PTK2: variants seen among roughly 807,000 people sequenced by gnomAD.
PTK2 encodes the protein protein tyrosine kinase 2, also known as focal adhesion kinase 1.
A neutral mutation model predicts 150.1 loss-of-function variants in PTK2; 45 were observed. That is an observed-to-expected ratio of 0.30 (90% CI 0.24 to 0.38). PTK2 has a LOEUF of 0.38. Ranked by LOEUF, PTK2 falls within the 10% of genes least tolerant of loss-of-function variation. The pLI is 1.00. For synonymous variants in PTK2, 432 were observed against 449.2 expected (o/e 0.96, Z 0.48); for missense variants, 919 against 1,307.3 (o/e 0.70, Z 4.58).
chr8:140,869,391 G>C (rs557609995), intron 4 of PTK2, among the ~76,000 whole-genome samples: 1 of 152,248 alleles, frequency 6.6e-6, no homozygotes, highest in East Asian at 1.9e-4. Context: ...TTCCACCTCT[G>C]AAAGTTGGCC....
intron 14 of PTK2, among the ~76,000 whole-genome samples, chr8:140,775,488 AAAAAAC>A (rs1488849937): frequency 6.6e-6 from 1 of 152,030 alleles, no homozygotes; most frequent in African/African-American, 2.4e-5. Context: ...CTGCCTTAAA[AAAAAAC>A]AAAAACAAAA....
At chr8:140,796,170 C>T (rs2100091478) in intron 12 of PTK2, among the ~76,000 whole-genome samples, 1 of 152,164 alleles carries the variant, frequency 6.6e-6, no homozygotes, top group Admixed American at 6.6e-5. Context: ...CCTAGGACCC[C>T]GTGTTACTCT....
At chr8:140,697,400 G>A (rs1270867328) in intron 26 of PTK2, among the ~76,000 whole-genome samples, 3 of 150,102 alleles carry the variant, frequency 2.0e-5, no homozygotes, top group Admixed American at 6.7e-5. Context: ...GCTACAGGAA[G>A]TTCTTAGAAT....
chr8:140,753,096 T>C (rs981253755), intron 16 of PTK2, among the ~76,000 whole-genome samples: 2 of 152,146 alleles, frequency 1.3e-5, no homozygotes, highest in African/African-American at 2.4e-5. Context: ...TCTGCTGTGG[T>C]ACTGAGAAAT....
intron 14 of PTK2, among the ~76,000 whole-genome samples, chr8:140,774,364 A>G (rs2100077220): frequency 6.6e-6 from 1 of 152,224 alleles, no homozygotes; most frequent in African/African-American, 2.4e-5. Flanking sequence ...CATTTAGATA[A>G]GAAAAGCAGT....
chr8:140,878,596 A>G (rs557938379), intron 4 of PTK2, among the ~76,000 whole-genome samples: 1 of 152,224 alleles, frequency 6.6e-6, no homozygotes, highest in East Asian at 1.9e-4. Context: ...TCTGTCTCAA[A>G]AAAGAAAAAA....
At chr8:140,802,001 G>A (rs1156545143) in intron 11 of PTK2, among the ~76,000 whole-genome samples, 1 of 151,528 alleles carries the variant, frequency 6.6e-6, no homozygotes, top group Non-Finnish European at 1.5e-5. Context: ...ATTATGTACA[G>A]CACATAATAC....
intron 29 of PTK2, chr8:140,668,626 T>C (rs1241549766): frequency 1.8e-6 from 1 of 540,746 alleles, no homozygotes; most frequent in Admixed American, 3.7e-5. Context: ...GTATTTTCTT[T>C]CTAACTTTGA....
intron 1 of PTK2, among the ~76,000 whole-genome samples, chr8:140,989,437 C>G (rs943889644): frequency 6.6e-6 from 1 of 150,900 alleles, no homozygotes; most frequent in Non-Finnish European, 1.5e-5. Flanking sequence ...TCAGTGAAAC[C>G]GCATGCCACA....
intron 16 of PTK2, among the ~76,000 whole-genome samples, chr8:140,759,530 T>TA (rs761643170): frequency 0.015 from 848 of 58,048 alleles, 36 homozygotes; most frequent in East Asian, 0.088. Context: ...GACCCTGTCC[T>TA]AAAAAAAAAA....
chr8:140,709,327 T>C (rs2100035502), intron 23 of PTK2, among the ~76,000 whole-genome samples: 1 of 152,184 alleles, frequency 6.6e-6, no homozygotes, highest in African/African-American at 2.4e-5. Flanking sequence ...AAGGTTCCAT[T>C]TCAAAATAAA....
intron 3 of PTK2, among the ~76,000 whole-genome samples, chr8:140,887,708 A>G (rs1321968439): frequency 6.6e-6 from 1 of 152,218 alleles, no homozygotes; most frequent in Non-Finnish European, 1.5e-5. Flanking sequence ...AAAAAATAAA[A>G]TAAAAACAAA....
intron 1 of PTK2, among the ~76,000 whole-genome samples, chr8:140,990,027 CAGAGA>C (rs1245681897): frequency 1.3e-5 from 2 of 151,844 alleles, no homozygotes; most frequent in African/African-American, 4.8e-5. Context: ...GTTATAAGAG[CAGAGA>C]AGAGGAAACA....
intron 1 of PTK2, among the ~76,000 whole-genome samples, chr8:140,976,449 C>A (rs1245803679): frequency 6.6e-6 from 1 of 152,162 alleles, no homozygotes; most frequent in Non-Finnish European, 1.5e-5. Flanking sequence ...TAACCACAAG[C>A]TAAAAATTTT....
intron 1 of PTK2, among the ~76,000 whole-genome samples, chr8:140,976,816 C>T (rs974877567): frequency 6.6e-6 from 1 of 152,142 alleles, no homozygotes; most frequent in Non-Finnish European, 1.5e-5. Flanking sequence ...GTTTAAGTGG[C>T]TAGGTACCTA....
At chr8:140,666,212 C>G (rs1269370917) in intron 30 of PTK2, among the ~76,000 whole-genome samples, 3 of 152,106 alleles carry the variant, frequency 2.0e-5, no homozygotes, top group Non-Finnish European at 4.4e-5. Flanking sequence ...GTGGTGCATG[C>G]CTGTAGTCCC....
At position 140,674,479 on chromosome 8, in the gene PTK2, C is replaced by T. The variant is rs1482330846; in HGVS notation, c.2603-75G>A. The T allele has an allele frequency of 2.9e-5, 39 of 1,336,064 alleles. No homozygotes were observed. In the Admixed American group the frequency reaches 6.8e-4, roughly 23 times the overall value. 82.8% of individuals were successfully genotyped at this position (1,336,064 alleles called of 1,614,324 possible). On this transcript the variant is annotated intron_variant, in intron 28 of 31. Transcript: ENST00000522684. The stretch of plus-strand genomic sequence containing the variant: ...AAGAGGCTGGGGGCAGTGGCTCATG[C>T]CTATAATCTCAGCACTTTGGGAGGC...
At chr8:140,921,315 C>T in intron 2 of PTK2, 1 of 192,326 alleles carries the variant, frequency 5.2e-6, no homozygotes, top group Non-Finnish European at 1.1e-5. Context: ...TCTCACCCTT[C>T]TGTTCAATTC....
At chr8:141,000,710 G>A (rs1256771914) in intron 1 of PTK2, among the ~76,000 whole-genome samples, 6 of 61,964 alleles carry the variant, frequency 9.7e-5, no homozygotes, top group Non-Finnish European at 1.9e-4. Context: ...GACTCCCCAC[G>A]TCCCCCAGCC....
Sources: gnomAD v4.1 joint callset for allele counts (sites outside exome capture counted in the v4.1 genomes callset) on GRCh38, gnomAD v4.1.1 for gene constraint, MANE v1.5 for transcripts, NCBI Gene and HGNC (gene_info 2026-07-23, HGNC 2026-07-21) for gene names.